Variants in WDR70 observed in about 807,000 individuals in gnomAD.
The protein encoded by WDR70 is WD repeat domain 70, also known as WD repeat-containing protein 70.
Under a neutral mutation model 88.6 loss-of-function variants are expected in WDR70, and 53 were observed. The ratio of observed to expected loss-of-function variants is 0.60; its 90% CI spans 0.48 to 0.75. The LOEUF (loss-of-function observed/expected upper bound fraction) is 0.75. WDR70 is among the 30% of genes least tolerant of loss of function. WDR70 has a pLI of 0.00. For missense variants in WDR70, 610 were observed against 823.2 expected (o/e 0.74, Z 3.17); for synonymous variants, 280 against 270.0 (o/e 1.04, Z -0.36).
At chr5:37,476,096 C>T (rs1350703041) in intron 7 of WDR70, among the ~76,000 whole-genome samples, 13 of 152,112 alleles carry the variant, frequency 8.5e-5, no homozygotes, top group Non-Finnish European at 1.3e-4. Context: ...GGTGATCCAC[C>T]CACCTCAGCC....
At chr5:37,632,010 T>C (rs1034335896) in intron 10 of WDR70, among the ~76,000 whole-genome samples, 2 of 152,096 alleles carry the variant, frequency 1.3e-5, no homozygotes, top group Admixed American at 1.3e-4. Flanking sequence ...GGAATACAAG[T>C]TGGAGAGGTC....
intron 4 of WDR70, among the ~76,000 whole-genome samples, chr5:37,396,077 G>A (rs1749001639): frequency 6.6e-6 from 1 of 152,194 alleles, no homozygotes; most frequent in African/African-American, 2.4e-5. Context: ...GGCGTTACAG[G>A]TGTGAGCCAT....
chr5:37,593,782 C>T (rs1743611306), intron 9 of WDR70, among the ~76,000 whole-genome samples: 1 of 152,170 alleles, frequency 6.6e-6, no homozygotes, highest in Admixed American at 6.5e-5. Flanking sequence ...TAAAAGTGTT[C>T]CCATTTCTCT....
rs531751565 is a variant in WDR70, at chr5:37,751,623, A to G, written c.1878-863A>G. ...ACCATTCTGGAATTACGTGGATATA[A>G]TGATTCTAAATGAAAATACAAGCCG... On this transcript the variant is annotated intron_variant, in intron 17 of 17. Coordinates refer to ENST00000265107, the MANE Select transcript of WDR70 (RefSeq NM_018034.4). Among the ~76,000 whole-genome samples the G allele has an allele frequency of 3.9e-5, 6 of 152,370 alleles. No individual in the cohort carries two copies. In the East Asian group the frequency reaches 5.8e-4, roughly 15 times the overall value.
intron 10 of WDR70, among the ~76,000 whole-genome samples, chr5:37,694,308 G>A (rs186061285): frequency 6.6e-6 from 1 of 152,292 alleles, no homozygotes; most frequent in Admixed American, 6.5e-5. Context: ...CAAGGGCCTA[G>A]AACTAGAAAT....
intron 9 of WDR70, among the ~76,000 whole-genome samples, chr5:37,523,185 A>G (rs1460813454): frequency 1.3e-5 from 2 of 152,212 alleles, no homozygotes; most frequent in Non-Finnish European, 2.9e-5. Context: ...CTGCCTCCTC[A>G]AGAGGTCCCT....
chr5:37,593,518 A>G (rs979126278), intron 9 of WDR70, among the ~76,000 whole-genome samples: 5 of 152,172 alleles, frequency 3.3e-5, no homozygotes, highest in African/African-American at 1.2e-4. Context: ...CATGACGTAT[A>G]TGTGCCACAT....
chr5:37,504,918 G>A (rs1168765946), intron 8 of WDR70, among the ~76,000 whole-genome samples: 1 of 152,144 alleles, frequency 6.6e-6, no homozygotes, highest in Non-Finnish European at 1.5e-5. Context: ...GCAGGTACAG[G>A]CCCTTCCTCT....
intron 10 of WDR70, among the ~76,000 whole-genome samples, chr5:37,673,945 A>C (rs978257508): frequency 2.0e-5 from 3 of 152,062 alleles, no homozygotes; most frequent in Non-Finnish European, 4.4e-5. Context: ...AAAGGACATT[A>C]TCTTCTTCAT....
intron 10 of WDR70, among the ~76,000 whole-genome samples, chr5:37,606,923 ATCCCC>A (rs1744047837): frequency 1.6e-4 from 3 of 18,570 alleles, no homozygotes; most frequent in African/African-American, 2.4e-4. Context: ...CTCCCCTCCC[ATCCCC>A]TCCCCTCCCC....
intron 7 of WDR70, among the ~76,000 whole-genome samples, chr5:37,449,590 CAAAAA>C (rs376148041): frequency 1.6e-4 from 14 of 85,780 alleles, no homozygotes; most frequent in Middle Eastern, 0.011. Flanking sequence ...AATTTTGTCT[CAAAAA>C]AAAAAAAATA....
intron 10 of WDR70, among the ~76,000 whole-genome samples, chr5:37,640,423 A>G (rs780420943): frequency 4.6e-5 from 7 of 152,154 alleles, no homozygotes; most frequent in Admixed American, 6.5e-5. Context: ...GGTGTTCACT[A>G]GTTTTTAATA....
At chr5:37,575,550 A>G (rs1001950739) in intron 9 of WDR70, among the ~76,000 whole-genome samples, 7 of 152,226 alleles carry the variant, frequency 4.6e-5, no homozygotes, top group Non-Finnish European at 1.0e-4. Flanking sequence ...TGAAGTCTCC[A>G]TAAAAAAATC....
intron 8 of WDR70, among the ~76,000 whole-genome samples, chr5:37,501,639 C>T (rs1267854541): frequency 6.6e-6 from 1 of 152,132 alleles, no homozygotes; most frequent in Non-Finnish European, 1.5e-5. Flanking sequence ...TGTAGGCATA[C>T]AGTTTTATTC....
chr5:37,497,478 C>T (rs1002252952), intron 8 of WDR70, among the ~76,000 whole-genome samples: 79 of 49,992 alleles, frequency 1.6e-3, no homozygotes, highest in Middle Eastern at 8.2e-3. Flanking sequence ...CTTTCCTTCC[C>T]TCTTCCCTTC....
chr5:37,415,617 C>CG (rs1245857245), intron 5 of WDR70, among the ~76,000 whole-genome samples: 1 of 144,512 alleles, frequency 6.9e-6, no homozygotes, highest in Non-Finnish European at 1.5e-5. Flanking sequence ...AGGGGCTGAC[C>CG]CCCCCCACCT....
chr5:37,564,508 G>A (rs1188219701), intron 9 of WDR70, among the ~76,000 whole-genome samples: 7 of 152,036 alleles, frequency 4.6e-5, no homozygotes, highest in Non-Finnish European at 1.0e-4. Context: ...GCATCAGGGG[G>A]AGACCGTGGA....
At chr5:37,414,444 T>A (rs1226381965) in intron 5 of WDR70, among the ~76,000 whole-genome samples, 1 of 152,180 alleles carries the variant, frequency 6.6e-6, no homozygotes, top group African/African-American at 2.4e-5. Context: ...TGTGCTCAAG[T>A]GTTACCTTCT....
chr5:37,439,956 A>G (rs1236122888), intron 6 of WDR70, among the ~76,000 whole-genome samples: 2 of 152,064 alleles, frequency 1.3e-5, no homozygotes, highest in Admixed American at 1.3e-4. Flanking sequence ...GCACACATAC[A>G]CTCTTTCCTA....
Sources: allele counts gnomAD v4.1 joint callset (sites outside exome capture counted in the v4.1 genomes callset), GRCh38; gene constraint gnomAD v4.1.1; transcripts MANE v1.5; gene names NCBI Gene and HGNC (gene_info 2026-07-23, HGNC 2026-07-21).